The following NRXN3 variants were observed in gnomAD, a reference collection of about 807,000 sequenced individuals.
The protein encoded by NRXN3 is neurexin III.
In NRXN3, 32 loss-of-function variants were observed where a neutral mutation model predicts 137.6. That is an observed-to-expected ratio of 0.23 (90% CI 0.18 to 0.31). The LOEUF (loss-of-function observed/expected upper bound fraction) is 0.31, where lower values mean the gene tolerates loss of function less well. Among genes scored for constraint, NRXN3 ranks in the 10% least tolerant of loss-of-function variants. The pLI is 1.00. For synonymous variants in NRXN3, 798 were observed against 784.5 expected (o/e 1.02, Z -0.29); for missense variants, 1,574 against 2,062.5 (o/e 0.76, Z 4.59).
intron 15 of NRXN3, among the ~76,000 whole-genome samples, chr14:79,409,686 T>C (rs961742395): frequency 1.4e-5 from 2 of 147,248 alleles, no homozygotes; most frequent in African/African-American, 5.0e-5. Flanking sequence ...AATGCCTACA[T>C]TACATAAAGA....
intron 15 of NRXN3, among the ~76,000 whole-genome samples, chr14:79,243,102 C>T (rs981214717): frequency 1.3e-5 from 2 of 152,026 alleles, no homozygotes; most frequent in African/African-American, 2.4e-5. Context: ...TGAGATAATG[C>T]ATTCATATAC....
intron 15 of NRXN3, among the ~76,000 whole-genome samples, chr14:79,121,715 C>T (rs79286080): frequency 3.6e-3 from 545 of 152,212 alleles, no homozygotes; most frequent in Middle Eastern, 6.8e-3. Context: ...TCAATGATCA[C>T]GAAGTGCATC....
chr14:78,967,382 A>G lies in NRXN3; in HGVS notation c.2952A>G (p.Lys984=). 1.2e-6 allele frequency: 2 copies of G among 1,613,464 alleles called. No homozygotes were observed. The highest frequency in any genetic ancestry group is 1.7e-6 in the Non-Finnish European group (2 of 1,179,516). Residue 984 remains lysine (K), a synonymous_variant, in exon 13 of 21, where the codon AAA becomes AAG. Coordinates refer to ENST00000335750, the MANE Select transcript of NRXN3 (RefSeq NM_001330195.2). ...KVVTQVINGA[K]NLDLKGDLYM... ...TCACTCAGGTTATCAATGGTGCCAAAAATCTGGATTTGAAAGGTAAACCTT... is the reference window on the plus strand; with the variant it reads ...TCACTCAGGTTATCAATGGTGCCAAGAATCTGGATTTGAAAGGTAAACCTT...
chr14:79,144,613 AGATG>A (rs953136589), intron 15 of NRXN3, among the ~76,000 whole-genome samples: 1 of 152,196 alleles, frequency 6.6e-6, no homozygotes, highest in Non-Finnish European at 1.5e-5. Flanking sequence ...TGGCCAGTGA[AGATG>A]TTGTCAATGT....
chr14:78,988,355 C>A (rs2099511449), intron 15 of NRXN3: 2 of 569,342 alleles, frequency 3.5e-6, no homozygotes, highest in East Asian at 3.2e-5. Flanking sequence ...CACTTGCTCA[C>A]TCCCTGTGTT....
intron 15 of NRXN3, among the ~76,000 whole-genome samples, chr14:79,204,233 A>G (rs1445817954): frequency 3.3e-5 from 5 of 151,892 alleles, no homozygotes; most frequent in Non-Finnish European, 7.4e-5. Flanking sequence ...TTTTAGTTAC[A>G]TTTATAATTG....
intron 15 of NRXN3, among the ~76,000 whole-genome samples, chr14:79,130,413 T>C (rs1442472175): frequency 6.6e-6 from 1 of 152,086 alleles, no homozygotes; most frequent in Non-Finnish European, 1.5e-5. Context: ...GTCTGTAACG[T>C]ATTTTATTTC....
intron 4 of NRXN3, among the ~76,000 whole-genome samples, chr14:78,476,382 C>A (rs978376080): frequency 6.6e-6 from 1 of 152,068 alleles, no homozygotes; most frequent in Non-Finnish European, 1.5e-5. Context: ...ATCTGAATGA[C>A]AAAGAGGAGC....
chr14:78,443,137 T>G (rs1352957634), intron 4 of NRXN3, among the ~76,000 whole-genome samples: 1 of 152,236 alleles, frequency 6.6e-6, no homozygotes, highest in East Asian at 1.9e-4. Context: ...GTTTTTAAAA[T>G]TCTTTTCAAA....
chr14:79,096,506 T>C (rs2050363720), intron 15 of NRXN3, among the ~76,000 whole-genome samples: 1 of 152,184 alleles, frequency 6.6e-6, no homozygotes, highest in Non-Finnish European at 1.5e-5. Context: ...CCACCACTAA[T>C]AACTATGAGA....
At chr14:78,520,992 A>C (rs769318480) in intron 4 of NRXN3, among the ~76,000 whole-genome samples, 32 of 152,202 alleles carry the variant, frequency 2.1e-4, no homozygotes, top group Non-Finnish European at 4.1e-4. Flanking sequence ...ATGACTTCTG[A>C]ATGACATTGT....
At position 78,547,543 on chromosome 14, in the gene NRXN3, A is replaced by G. The variant is rs190720361; in HGVS notation, c.758-97577A>G. Among the ~76,000 whole-genome samples the G allele has an allele frequency of 7.9e-5, 12 of 152,214 alleles. No individual in the cohort carries two copies. In the East Asian group the frequency reaches 1.3e-3, roughly 17 times the overall value. ...CCGATGGGATCCTAATTGAAGTTGT[A>G]TTAAATCAATATGTTAATTTTGGGA... On this transcript the variant is annotated intron_variant, in intron 4 of 20. Transcript: ENST00000335750.
At chr14:79,507,486 G>A (rs891757077) in intron 16 of NRXN3, among the ~76,000 whole-genome samples, 2 of 152,270 alleles carry the variant, frequency 1.3e-5, no homozygotes, top group Non-Finnish European at 2.9e-5. Flanking sequence ...AGCAACTGGG[G>A]TAAAATTGTT....
chr14:79,458,157 T>C (rs148190517), intron 15 of NRXN3, among the ~76,000 whole-genome samples: 26 of 152,290 alleles, frequency 1.7e-4, no homozygotes, highest in African/African-American at 6.0e-4. Context: ...CTTATCTATT[T>C]ATTTTTACAA....
At chr14:79,019,269 C>G (rs528087014) in intron 15 of NRXN3, among the ~76,000 whole-genome samples, 1 of 152,138 alleles carries the variant, frequency 6.6e-6, no homozygotes, top group Non-Finnish European at 1.5e-5. Context: ...TATTCCAACA[C>G]CTGGTGCTTA....
At chr14:78,541,174 G>A (rs991433915) in intron 4 of NRXN3, among the ~76,000 whole-genome samples, 1 of 152,122 alleles carries the variant, frequency 6.6e-6, no homozygotes, top group African/African-American at 2.4e-5. Flanking sequence ...GCCTTGCTAG[G>A]TTGGGGAAGT....
chr14:78,966,941 G>A (rs2152996364), intron 12 of NRXN3, among the ~76,000 whole-genome samples: 1 of 152,160 alleles, frequency 6.6e-6, no homozygotes, highest in East Asian at 1.9e-4. Flanking sequence ...CTTATGTTTT[G>A]TAGTGTACAA....
intron 6 of NRXN3, among the ~76,000 whole-genome samples, chr14:78,653,740 C>CAT (rs2097765116): frequency 6.6e-6 from 1 of 151,724 alleles, no homozygotes; most frequent in Admixed American, 6.6e-5. Flanking sequence ...CACACACACA[C>CAT]ACATTTTTGC....
chr14:78,965,275 G>A (rs1344562963), intron 11 of NRXN3, among the ~76,000 whole-genome samples: 2 of 152,144 alleles, frequency 1.3e-5, no homozygotes. Flanking sequence ...TGTTAGAAAT[G>A]CAGATTCTCA....
Sources: allele counts gnomAD v4.1 joint callset (sites outside exome capture counted in the v4.1 genomes callset), GRCh38; gene constraint gnomAD v4.1.1; transcripts MANE v1.5; gene names NCBI Gene and HGNC (gene_info 2026-07-23, HGNC 2026-07-21).